GALNT13: variants seen among roughly 807,000 people sequenced by gnomAD.
The protein encoded by GALNT13 is UDP-GalNAc:polypeptide N-acetylgalactosaminyltransferase 13.
GALNT13 carries 28 observed loss-of-function variants against 64.2 expected under a neutral mutation model. The observed-to-expected ratio is 0.44, with a 90% CI of 0.32 to 0.60. GALNT13 has a LOEUF of 0.60. Among genes scored for constraint, GALNT13 ranks in the 20% least tolerant of loss-of-function variants. GALNT13 has a pLI of 0.05. For missense variants in GALNT13, 577 were observed against 669.8 expected (o/e 0.86, Z 1.53); for synonymous variants, 214 against 224.6 (o/e 0.95, Z 0.42).
Position 153,878,766 on chromosome 2 carries a change from C to T in GALNT13, c.-177+6463C>T, listed in dbSNP as rs16834682. On this transcript the variant is annotated intron_variant, in intron 1 of 12. Coordinates refer to ENST00000392825, the MANE Select transcript of GALNT13 (RefSeq NM_052917.4). ...CTCCATTTTTACTTCTTTGCCTTGG[C>T]GAAAGTGAAGCAGGTTTGGTTAGTG... 9.7e-3 allele frequency among the ~76,000 whole-genome samples: 1,475 copies of T among 152,180 alleles called. 22 individuals carry two copies. The highest frequency in any genetic ancestry group is 0.034 in the African/African-American group (1,395 of 41,526).
chr2:154,059,883 G>T (rs1254241505), intron 3 of GALNT13, among the ~76,000 whole-genome samples: 2 of 152,184 alleles, frequency 1.3e-5, no homozygotes, highest in Non-Finnish European at 2.9e-5. Context: ...ACGGTTAAGA[G>T]AAGTCAGCAA....
At chr2:153,914,443 C>T (rs1265772358) in intron 2 of GALNT13, among the ~76,000 whole-genome samples, 1 of 136,694 alleles carries the variant, frequency 7.3e-6, no homozygotes, top group Non-Finnish European at 1.5e-5. Context: ...GAGATCACGC[C>T]ATTGCACTCC....
At chr2:153,839,115 G>C in the GALNT13 span, among the ~76,000 whole-genome samples, 1 of 151,774 alleles carries the variant, frequency 6.6e-6, no homozygotes, top group African/African-American at 2.4e-5. Context: ...GGTTGATTTT[G>C]TATTCTGCAA....
chr2:153,546,461 G>A, the GALNT13 span, among the ~76,000 whole-genome samples: 10 of 152,086 alleles, frequency 6.6e-5, no homozygotes, highest in African/African-American at 2.4e-4. Context: ...AGCATATATT[G>A]TATTTGAGAC....
chr2:153,767,810 C>T, the GALNT13 span, among the ~76,000 whole-genome samples: 3 of 150,122 alleles, frequency 2.0e-5, no homozygotes, highest in Non-Finnish European at 4.4e-5. Flanking sequence ...TTTTTTCCCC[C>T]TGTTTAGTTG....
chr2:154,196,190 A>G (rs749925819), intron 4 of GALNT13, among the ~76,000 whole-genome samples: 19 of 152,072 alleles, frequency 1.2e-4, no homozygotes, highest in Admixed American at 2.0e-4. Flanking sequence ...TCTGATAAAA[A>G]GAGAAAAGTC....
chr2:153,160,195 G>A, the GALNT13 span, among the ~76,000 whole-genome samples: 1 of 152,158 alleles, frequency 6.6e-6, no homozygotes, highest in Non-Finnish European at 1.5e-5. Flanking sequence ...TTACAGATAA[G>A]AGGAACTGCA....
chr2:153,269,890 A>G, the GALNT13 span, among the ~76,000 whole-genome samples: 1 of 152,186 alleles, frequency 6.6e-6, no homozygotes. Flanking sequence ...ACTCACTATC[A>G]TAAGAACAGT....
chr2:153,515,332 G>A, the GALNT13 span, among the ~76,000 whole-genome samples: 5 of 152,126 alleles, frequency 3.3e-5, no homozygotes, highest in African/African-American at 4.8e-5. Flanking sequence ...GTCCTTTGCC[G>A]CTCATTGAAC....
In GALNT13 at chr2:154,162,153, TAAAC is replaced by T. The variant is rs551049894; in HGVS notation, c.311+21651_311+21654del. On this transcript the variant is annotated intron_variant, in intron 4 of 12. Coordinates refer to ENST00000392825, the MANE Select transcript of GALNT13 (RefSeq NM_052917.4). Reference sequence around the variant, plus strand: ...TAACATAAATACTCTATATCAGAAATAAACAACCACTAGAATGAGAAACAGAATG... The same window carrying T: ...TAACATAAATACTCTATATCAGAAATAACCACTAGAATGAGAAACAGAATG... 2.8e-4 allele frequency among the ~76,000 whole-genome samples: 42 copies of T among 152,204 alleles called. 1 individual carries two copies. In the East Asian group the frequency reaches 6.4e-3, roughly 23 times the overall value.
the GALNT13 span, among the ~76,000 whole-genome samples, chr2:153,666,000 C>T: frequency 1.3e-5 from 2 of 152,066 alleles, no homozygotes; most frequent in African/African-American, 2.4e-5. Context: ...CAGATACAGA[C>T]AAAGCATGGC....
chr2:153,093,760 T>C, the GALNT13 span, among the ~76,000 whole-genome samples: 1 of 152,150 alleles, frequency 6.6e-6, no homozygotes, highest in Admixed American at 6.5e-5. Context: ...TGATGTTAGT[T>C]CTTCTTTAAA....
the GALNT13 span, among the ~76,000 whole-genome samples, chr2:153,861,596 C>T: frequency 1.1e-3 from 137 of 129,436 alleles, no homozygotes; most frequent in African/African-American, 3.9e-3. Context: ...TAAGGAGTTT[C>T]GCTGTTGTCG....
chr2:153,962,567 T>C (rs1693020245), intron 3 of GALNT13, among the ~76,000 whole-genome samples: 1 of 152,184 alleles, frequency 6.6e-6, no homozygotes, highest in Non-Finnish European at 1.5e-5. Flanking sequence ...GAGAGTAAGG[T>C]GATTACATTG....
the GALNT13 span, among the ~76,000 whole-genome samples, chr2:153,628,531 A>G: frequency 6.6e-6 from 1 of 151,514 alleles, no homozygotes; most frequent in African/African-American, 2.4e-5. Context: ...TCAATACCTA[A>G]TTTATTGAGA....
At chr2:154,267,905 G>A (rs556796446) in intron 8 of GALNT13, among the ~76,000 whole-genome samples, 1 of 152,152 alleles carries the variant, frequency 6.6e-6, no homozygotes, top group Non-Finnish European at 1.5e-5. Flanking sequence ...AGCAGTTAGT[G>A]GGGAAATGAA....
chr2:154,322,790 C>T (rs966480473), intron 9 of GALNT13, among the ~76,000 whole-genome samples: 4 of 152,014 alleles, frequency 2.6e-5, no homozygotes, highest in Non-Finnish European at 5.9e-5. Context: ...CTGGACTCGA[C>T]TGGATGATTT....
chr2:153,518,181 A>G, the GALNT13 span, among the ~76,000 whole-genome samples: 1 of 152,100 alleles, frequency 6.6e-6, no homozygotes, highest in African/African-American at 2.4e-5. Flanking sequence ...GTGTTCTTCC[A>G]ATGACTTCAG....
At chr2:154,152,357 C>T (rs1320942938) in intron 4 of GALNT13, among the ~76,000 whole-genome samples, 1 of 152,044 alleles carries the variant, frequency 6.6e-6, no homozygotes, top group Non-Finnish European at 1.5e-5. Context: ...TCTGGCTGCC[C>T]TTAACATTTT....
Sources: gnomAD v4.1 joint callset for allele counts (sites outside exome capture counted in the v4.1 genomes callset) on GRCh38, gnomAD v4.1.1 for gene constraint, MANE v1.5 for transcripts, NCBI Gene and HGNC (gene_info 2026-07-23, HGNC 2026-07-21) for gene names.